Variants in NPHP4 observed in about 807,000 individuals in gnomAD.
NPHP4 encodes nephrocystin-4.
In NPHP4, 151 loss-of-function variants were observed where a neutral mutation model predicts 155.8. That is an observed-to-expected ratio of 0.97 (90% CI 0.85 to 1.11). The LOEUF (loss-of-function observed/expected upper bound fraction) is 1.11, where lower values mean the gene tolerates loss of function less well. NPHP4 is among the 50% of genes least tolerant of loss of function. NPHP4 has a pLI of 0.00. For synonymous variants in NPHP4, 845 were observed against 816.8 expected (o/e 1.03, Z -0.59); for missense variants, 1,956 against 1,925.7 (o/e 1.02, Z -0.29).
intron 8 of NPHP4, among the ~76,000 whole-genome samples, chr1:5,947,829 G>A (rs368726424): frequency 6.6e-6 from 1 of 152,062 alleles, no homozygotes; most frequent in Admixed American, 6.5e-5. Flanking sequence ...AGCCGCAGCT[G>A]GAAGCATCCA....
chr1:5,878,703 C>CG (rs1642877110), intron 19 of NPHP4, among the ~76,000 whole-genome samples: 1 of 152,232 alleles, frequency 6.6e-6, no homozygotes, highest in African/African-American at 2.4e-5. Flanking sequence ...CTCAGGGCCT[C>CG]TGATTGTCTC....
chr1:5,879,131 T>C (rs1252688092), intron 19 of NPHP4, among the ~76,000 whole-genome samples: 1 of 152,138 alleles, frequency 6.6e-6, no homozygotes, highest in Non-Finnish European at 1.5e-5. Context: ...CCTGGAAGCC[T>C]TGCAGGAGGG....
intron 3 of NPHP4, among the ~76,000 whole-genome samples, chr1:5,977,756 C>T (rs1397238614): frequency 6.8e-6 from 1 of 147,874 alleles, no homozygotes; most frequent in African/African-American, 2.5e-5. Flanking sequence ...GGTCTCAAGA[C>T]AGAAGGCACA....
chr1:5,916,331 T>C (rs1278650178), intron 11 of NPHP4, among the ~76,000 whole-genome samples: 1 of 152,116 alleles, frequency 6.6e-6, no homozygotes, highest in Admixed American at 6.5e-5. Context: ...AAAGGAACCA[T>C]ATAAGTTGGT....
At chr1:5,972,732 T>A (rs750689311) in intron 3 of NPHP4, among the ~76,000 whole-genome samples, 4 of 152,160 alleles carry the variant, frequency 2.6e-5, no homozygotes, top group Admixed American at 2.6e-4. Context: ...TGCAAATTAA[T>A]TTAATTTCTT....
In NPHP4 at chr1:5,867,864, G is replaced by T; in HGVS notation, c.3348C>A (p.Ile1116=). The part of the protein sequence containing the change: ...VLFRASGGKP[I]AVLCLTVELQ... Reference sequence around the variant, plus strand: ...GCTCCACAGTCAGGCAGAGCACGGCGATGGGCTTGCCACCACTCGCTCGGA... The same window carrying T: ...GCTCCACAGTCAGGCAGAGCACGGCTATGGGCTTGCCACCACTCGCTCGGA... The change falls in exon 24 of 30, where the codon ATC becomes ATA. Residue 1116 remains isoleucine (I), a synonymous_variant. Coordinates refer to ENST00000378156, the MANE Select transcript of NPHP4 (RefSeq NM_015102.5). The surrounding 1 kb of genome is among the most constrained non-coding windows in gnomAD (Gnocchi z 4.1). 6.2e-7 allele frequency: 1 copy of T among 1,613,934 alleles called. No individual in the cohort carries two copies. Among genetic ancestry groups the T allele is most frequent in the Non-Finnish European group, 8.5e-7 (1 of 1,179,870 alleles).
At chr1:5,927,825 TC>T (rs761537375) in intron 10 of NPHP4, 38 bp from the exon 11 acceptor site, 243 of 1,576,566 alleles carry the variant, frequency 1.5e-4, no homozygotes, top group Non-Finnish European at 2.1e-4. Flanking sequence ...GCCACTCCCT[TC>T]ATCAGCACGC....
At chr1:5,887,893 G>C (rs1278329968) in intron 17 of NPHP4, among the ~76,000 whole-genome samples, 1 of 152,190 alleles carries the variant, frequency 6.6e-6, no homozygotes, top group African/African-American at 2.4e-5. Context: ...AACCCCAATG[G>C]GACTCCAGGA....
At position 5,864,003 on chromosome 1, in the gene NPHP4, C is replaced by T; in HGVS notation, c.4027G>A (p.Gly1343Arg). 1 of 1,613,672 alleles carries T rather than the reference C, an allele frequency of 6.2e-7. No individual in the cohort carries two copies. The highest frequency in any genetic ancestry group is 8.5e-7 in the Non-Finnish European group (1 of 1,179,772). ...AFEIMLAAGE[G>R]KGVNKRITYT... is the part of the protein sequence containing the mutation. ...GTGATCCTCTTGTTGACACCCTTCC[C>T]TTCGCCCGCAGCCAACATGATCTCA... The change falls in exon 29 of 30, where the codon GGG (glycine) becomes AGG (arginine). Residue 1343 changes from glycine to arginine, a missense_variant. Coordinates refer to ENST00000378156, the MANE Select transcript of NPHP4 (RefSeq NM_015102.5).
intron 2 of NPHP4, among the ~76,000 whole-genome samples, chr1:5,982,021 G>A (rs1479351296): frequency 6.6e-6 from 1 of 151,960 alleles, no homozygotes; most frequent in African/African-American, 2.4e-5. Flanking sequence ...TTTAGTATCT[G>A]ATAAAATTCA....
At chr1:5,864,278 C>T in intron 28 of NPHP4, 60 bp downstream of exon 28, 1 of 1,482,456 alleles carries the variant, frequency 6.7e-7, no homozygotes, top group South Asian at 1.3e-5. Context: ...GGTGGGGGTC[C>T]TGCAGTGCCC....
chr1:5,894,966 G>T (rs1445142108), intron 16 of NPHP4, among the ~76,000 whole-genome samples: 2 of 152,132 alleles, frequency 1.3e-5, no homozygotes, highest in African/African-American at 4.8e-5. Context: ...GGATTAAGAA[G>T]ATGTGGCACA....
At chr1:5,941,962 AC>A (rs1646838948) in intron 9 of NPHP4, among the ~76,000 whole-genome samples, 1 of 152,168 alleles carries the variant, frequency 6.6e-6, no homozygotes, top group South Asian at 2.1e-4. Context: ...CCCAAGGGGG[AC>A]AATCGGATGA....
chr1:5,953,233 G>A (rs6682106), intron 6 of NPHP4, among the ~76,000 whole-genome samples: 2,276 of 152,274 alleles, frequency 0.015, 56 homozygotes, highest in African/African-American at 0.052. Flanking sequence ...AGCCTCCCAA[G>A]TAGCTGCGAT....
intron 7 of NPHP4, 121 bp from the exon 8 acceptor site, chr1:5,948,372 T>C: frequency 1.5e-6 from 1 of 689,354 alleles, no homozygotes; most frequent in Non-Finnish European, 2.4e-6. Flanking sequence ...TAACTGCAGA[T>C]CAGATGATGC....
chr1:5,989,538 G>A (rs1329803071), intron 1 of NPHP4, among the ~76,000 whole-genome samples: 1 of 150,120 alleles, frequency 6.7e-6, no homozygotes, highest in Non-Finnish European at 1.5e-5. Flanking sequence ...CATTCCTCCT[G>A]TGTTCTTGGT....
chr1:5,864,903 G>T (rs536079790), intron 27 of NPHP4, 199 bp downstream of exon 27: 4 of 588,672 alleles, frequency 6.8e-6, no homozygotes, highest in South Asian at 6.5e-5. Context: ...TTTGGGGTTG[G>T]TGTGTACGTC....
At chr1:5,939,641 A>C (rs1178315515) in intron 9 of NPHP4, among the ~76,000 whole-genome samples, 1 of 152,164 alleles carries the variant, frequency 6.6e-6, no homozygotes, top group Non-Finnish European at 1.5e-5. Flanking sequence ...CCCAGCATCC[A>C]CTGCAGTGGG....
rs754549864 is a variant in NPHP4 at position 5,863,364 on chromosome 1, C to T, written c.4182G>A (p.Ala1394=). The change falls in exon 30 of 30, where the codon GCG becomes GCA. Residue 1394 remains alanine (A), a synonymous_variant. Coordinates refer to ENST00000378156, the MANE Select transcript of NPHP4 (RefSeq NM_015102.5). ...CCTCCTCACCCACTCTCTGACTAGG[C>T]GCAAACTGCAAGCCGATGGTGTAGG... The part of the protein sequence containing the change: ...GETYTIGLQF[A]PSQRVGEEEI... 1.5e-5 allele frequency: 24 copies of T among 1,613,890 alleles called. No individual in the cohort carries two copies. Among genetic ancestry groups the T allele is most frequent in the Middle Eastern group, 1.6e-4 (1 of 6,084 alleles).
Sources: gnomAD v4.1 joint callset for allele counts (sites outside exome capture counted in the v4.1 genomes callset) on GRCh38, gnomAD v4.1.1 for gene constraint, Gnocchi (gnomAD v3.1) non-coding constraint, MANE v1.5 for transcripts, NCBI Gene and HGNC (gene_info 2026-07-23, HGNC 2026-07-21) for gene names.